The following PHAX variants were observed in gnomAD, a reference collection of about 807,000 sequenced individuals.
The protein encoded by PHAX is phosphorylated adaptor for RNA export.
In PHAX, 31 loss-of-function variants were observed where a neutral mutation model predicts 41.6. The ratio of observed to expected loss-of-function variants is 0.75; its 90% CI spans 0.56 to 1.01. The LOEUF (loss-of-function observed/expected upper bound fraction) is 1.01. PHAX is among the 50% of genes least tolerant of loss of function. The pLI is 0.00. For missense variants in PHAX, 453 were observed against 472.9 expected, an observed-to-expected ratio of 0.96 and a Z score of 0.39; for synonymous variants, 175 against 164.9, an observed-to-expected ratio of 1.06 and a Z score of -0.47.
chr5:126,611,170 C>G (rs1378548996), intron 3 of PHAX, among the ~76,000 whole-genome samples: 1 of 152,158 alleles, frequency 6.6e-6, no homozygotes, highest in African/African-American at 2.4e-5. Flanking sequence ...ATTCTCCTGC[C>G]TCAGCCTCCC....
rs184423823 is a variant in PHAX, at chr5:126,614,052, T to C, written c.832-3198T>C. On this transcript the variant is annotated intron_variant, in intron 3 of 4. Coordinates refer to ENST00000297540, the MANE Select transcript of PHAX (RefSeq NM_032177.4). ...CTCTAGGATTACAGGTGTGAGCCAT[T>C]GTACCCCGCCTATTTTTTCTTTTAA... Among the ~76,000 whole-genome samples the C allele has an allele frequency of 7.2e-5, 11 of 152,034 alleles. No homozygotes were observed. The East Asian group carries it at 2.1e-3, about 29-fold the overall frequency.
chr5:126,623,402 T>C (rs1207164089), intron 4 of PHAX, among the ~76,000 whole-genome samples: 1 of 152,218 alleles, frequency 6.6e-6, no homozygotes, highest in Non-Finnish European at 1.5e-5. Context: ...AAAACAAGGA[T>C]AGTTAACTAC....
intron 3 of PHAX, among the ~76,000 whole-genome samples, chr5:126,615,509 T>TG (rs1752170485): frequency 1.6e-5 from 1 of 60,698 alleles, no homozygotes; most frequent in South Asian, 5.5e-4. Context: ...CATTCTGTGC[T>TG]TTTTTTTTTT....
chr5:126,621,870 A>G (rs1752278714), intron 4 of PHAX, among the ~76,000 whole-genome samples: 1 of 152,236 alleles, frequency 6.6e-6, no homozygotes, highest in African/African-American at 2.4e-5. Context: ...AGATATTAAC[A>G]ACATGTTGCA....
At position 126,604,274 on chromosome 5, in the gene PHAX, C is replaced by CTTTTTTTTTTTTTTTTTTT. The variant is rs57270218; in HGVS notation, c.710+92_710+110dup. ...TGCCAAATACTTTAATGATATGTTC[C>CTTTTTTTTTTTTTTTTTTT]TTTTTTTTTTTTTTTTTTTGGAGAC... On this transcript the variant is annotated intron_variant, in intron 2 of 4. Transcript: ENST00000297540. The CTTTTTTTTTTTTTTTTTTT allele has an allele frequency of 4.6e-5, 30 of 645,840 alleles. 5 individuals carry two copies. In the African/African-American group the frequency reaches 8.2e-4, roughly 18 times the overall value. The allele number at this position is 645,840 out of a possible 1,614,324, so 40.0% of individuals were successfully genotyped here. A position where few individuals can be genotyped will look rare whatever the true frequency, so the allele number is the denominator to read the frequency against.
At chr5:126,609,175 A>G (rs979389928) in intron 3 of PHAX, among the ~76,000 whole-genome samples, 37 of 138,068 alleles carry the variant, frequency 2.7e-4, no homozygotes, top group African/African-American at 8.4e-4. Context: ...ATCTCGGCTC[A>G]CTGCAACCTC....
At chr5:126,620,122 T>G (rs1201968030) in intron 4 of PHAX, among the ~76,000 whole-genome samples, 1 of 152,238 alleles carries the variant, frequency 6.6e-6, no homozygotes, top group Admixed American at 6.5e-5. Flanking sequence ...GTCATTTTAA[T>G]AGAGTCTGCT....
intron 4 of PHAX, among the ~76,000 whole-genome samples, 172 bp downstream of exon 4, chr5:126,617,505 G>A (rs948428926): frequency 6.6e-6 from 1 of 151,998 alleles, no homozygotes; most frequent in Non-Finnish European, 1.5e-5. Flanking sequence ...TTGAGGCGGA[G>A]TCTCACTCTG....
At chr5:126,611,204 C>T (rs538157201) in intron 3 of PHAX, among the ~76,000 whole-genome samples, 18 of 151,870 alleles carry the variant, frequency 1.2e-4, no homozygotes, top group African/African-American at 2.7e-4. Flanking sequence ...TACAGGCATG[C>T]GCCACCACCC....
chr5:126,610,650 G>A (rs1752079485), intron 3 of PHAX, among the ~76,000 whole-genome samples: 2 of 152,176 alleles, frequency 1.3e-5, no homozygotes, highest in African/African-American at 4.8e-5. Context: ...TTATATTCCA[G>A]TGAGCTAATG....
chr5:126,618,706 G>A (rs1763909814), intron 4 of PHAX, among the ~76,000 whole-genome samples: 4 of 143,900 alleles, frequency 2.8e-5, no homozygotes, highest in African/African-American at 1.0e-4. Flanking sequence ...TTGCTCTGTC[G>A]CCAGGCTGGA....
At chr5:126,601,246 C>T (rs1027599471) in intron 1 of PHAX, among the ~76,000 whole-genome samples, 188 bp downstream of exon 1, 40 of 152,004 alleles carry the variant, frequency 2.6e-4, no homozygotes, top group African/African-American at 1.4e-4. Flanking sequence ...TCACGGAGCC[C>T]GGGCTGCGGG....
At chr5:126,602,707 A>G (rs561541524) in intron 1 of PHAX, among the ~76,000 whole-genome samples, 1 of 152,312 alleles carries the variant, frequency 6.6e-6, no homozygotes, top group African/African-American at 2.4e-5. Context: ...CTGGGGTTTT[A>G]AAAATATCTT....
intron 2 of PHAX, among the ~76,000 whole-genome samples, chr5:126,604,994 A>G (rs1237432602): frequency 1.3e-5 from 2 of 151,854 alleles, no homozygotes; most frequent in African/African-American, 2.4e-5. Flanking sequence ...AGATTGTGCC[A>G]CTGCACTCCA....
intron 2 of PHAX, among the ~76,000 whole-genome samples, chr5:126,608,161 T>C (rs537754023): frequency 6.6e-6 from 1 of 152,338 alleles, no homozygotes; most frequent in South Asian, 2.1e-4. Context: ...TATGAGAGTT[T>C]AGATGGAAAC....
At chr5:126,614,259 C>T (rs1010739470) in intron 3 of PHAX, among the ~76,000 whole-genome samples, 1 of 151,624 alleles carries the variant, frequency 6.6e-6, no homozygotes, top group African/African-American at 2.4e-5. Flanking sequence ...CCCACCATGT[C>T]CAGCTAATTT....
chr5:126,621,017 T>A (rs1414634611), intron 4 of PHAX, among the ~76,000 whole-genome samples: 1 of 152,034 alleles, frequency 6.6e-6, no homozygotes, highest in Non-Finnish European at 1.5e-5. Context: ...ATTACAGGAG[T>A]GAGCCACTGC....
At chr5:126,605,348 G>A (rs1193262763) in intron 2 of PHAX, among the ~76,000 whole-genome samples, 3 of 151,800 alleles carry the variant, frequency 2.0e-5, no homozygotes, top group African/African-American at 7.3e-5. Context: ...TTTCTTTAAG[G>A]AACTGGGATA....
At chr5:126,604,225 T>C (rs559049870) in intron 2 of PHAX, 42 bp downstream of exon 2, 1 of 1,480,878 alleles carries the variant, frequency 6.8e-7, no homozygotes, top group African/African-American at 1.4e-5. Flanking sequence ...CCAGATGGCT[T>C]CTATTTACAG....
Sources: allele counts gnomAD v4.1 joint callset (sites outside exome capture counted in the v4.1 genomes callset), GRCh38; gene constraint gnomAD v4.1.1; transcripts MANE v1.5; gene names NCBI Gene and HGNC (gene_info 2026-07-23, HGNC 2026-07-21).